Variants in LDLRAP1 observed in about 807,000 individuals in gnomAD.
LDLRAP1 encodes low density lipoprotein receptor adapter protein 1.
A neutral mutation model predicts 37.8 loss-of-function variants in LDLRAP1; 30 were observed. The ratio of observed to expected loss-of-function variants is 0.79; its 90% CI spans 0.59 to 1.08. The LOEUF (loss-of-function observed/expected upper bound fraction) is 1.08. Among genes scored for constraint, LDLRAP1 ranks in the 50% least tolerant of loss-of-function variants. The pLI, the probability that LDLRAP1 is intolerant of heterozygous loss-of-function variation, is 0.00. For synonymous variants in LDLRAP1, 156 were observed against 169.8 expected (o/e 0.92, Z 0.63); for missense variants, 375 against 401.6 (o/e 0.93, Z 0.57).
At chr1:25,557,844 C>T (rs562092824) in intron 4 of LDLRAP1, among the ~76,000 whole-genome samples, 7 of 152,044 alleles carry the variant, frequency 4.6e-5, no homozygotes, top group East Asian at 1.9e-4. Flanking sequence ...TTAATTCTCA[C>T]GGCTCTGCAA....
At chr1:25,588,818 A>T in the LDLRAP1 span, among the ~76,000 whole-genome samples, 664 of 152,300 alleles carry the variant, frequency 4.4e-3, 7 homozygotes, top group African/African-American at 0.015. Flanking sequence ...CACCCCTTCA[A>T]AGTGGCCTCA....
At chr1:25,556,828 A>C (rs1480415910) in intron 3 of LDLRAP1, among the ~76,000 whole-genome samples, 1 of 152,230 alleles carries the variant, frequency 6.6e-6, no homozygotes, top group Non-Finnish European at 1.5e-5. Context: ...TGAGGTCTAG[A>C]AAGCTCTTGG....
Position 25,543,801 on chromosome 1 carries a change from G to T in LDLRAP1, c.88+15G>T, listed in dbSNP as rs2043860634. ...CCGGCACCGCAGTGAGTGTGCGCGC[G>T]TCAGCCGGGCCGGGCCGGGATCGGG... On this transcript the variant is annotated intron_variant, in intron 1 of 8. Transcript: ENST00000374338. 1.2e-5 allele frequency: 14 copies of T among 1,202,342 alleles called. No individual in the cohort carries two copies. Among genetic ancestry groups the T allele is most frequent in the Non-Finnish European group, 1.4e-5 (14 of 968,180 alleles). The allele number at this position is 1,202,342 out of a possible 1,614,324, so 74.5% of individuals were successfully genotyped here.
chr1:25,555,970 CA>C lies in LDLRAP1; in HGVS notation c.344+999del, dbSNP rs1197861440. Among the ~76,000 whole-genome samples, 2 of 152,028 alleles carry C rather than the reference CA, an allele frequency of 1.3e-5. No individual in the cohort carries two copies. The highest frequency in any genetic ancestry group is 6.6e-5 in the Admixed American group (1 of 15,250). On this transcript the variant is annotated intron_variant, in intron 3 of 8. Coordinates refer to ENST00000374338, the MANE Select transcript of LDLRAP1 (RefSeq NM_015627.3). This position sits in a 1 kb window ranked among gnomAD's most constrained non-coding sequence, Gnocchi z 4.7. ...CCTGGGGAAATCCCGGAAGGCCTCCCAGGGGAGGCGGCACCTTGCTGGGGCT... is the reference window on the plus strand; with the variant it reads ...CCTGGGGAAATCCCGGAAGGCCTCCCGGGGAGGCGGCACCTTGCTGGGGCT...
the LDLRAP1 span, among the ~76,000 whole-genome samples, chr1:25,581,227 G>A: frequency 6.6e-6 from 1 of 152,150 alleles, no homozygotes; most frequent in Admixed American, 6.5e-5. Context: ...CCAGCAGCCT[G>A]GGGCGGGGGC....
the LDLRAP1 span, among the ~76,000 whole-genome samples, chr1:25,585,603 G>A: frequency 6.6e-6 from 1 of 152,220 alleles, no homozygotes; most frequent in Admixed American, 6.5e-5. Context: ...GGGATTACAG[G>A]CGTGAGCCAC....
chr1:25,565,046 C>G, intron 7 of LDLRAP1, 127 bp from the exon 8 acceptor site: 1 of 996,270 alleles, frequency 1.0e-6, no homozygotes, highest in Admixed American at 1.7e-5. Flanking sequence ...TGAGGCCGTG[C>G]CTCCAGGCGC....
At chr1:25,569,158 C>T (rs954269600), downstream of LDLRAP1, among the ~76,000 whole-genome samples, 11 of 152,200 alleles carry the variant, frequency 7.2e-5, no homozygotes, top group African/African-American at 2.2e-4. Context: ...CTGAGAGCCC[C>T]GGCGGGGGAC....
At chr1:25,561,990 TC>T (rs2044351972) in intron 4 of LDLRAP1, among the ~76,000 whole-genome samples, 1 of 152,098 alleles carries the variant, frequency 6.6e-6, no homozygotes, top group East Asian at 1.9e-4. Context: ...GAGGGAGAGT[TC>T]CCCTGGGGTG....
chr1:25,566,508 C>G (rs1483452763), intron 8 of LDLRAP1, among the ~76,000 whole-genome samples: 2 of 152,146 alleles, frequency 1.3e-5, no homozygotes, highest in Non-Finnish European at 1.5e-5. Flanking sequence ...CTTCCGTGTT[C>G]CCTCCCACAG....
chr1:25,569,072 GGT>G (rs2044562360), downstream of LDLRAP1, among the ~76,000 whole-genome samples: 1 of 152,036 alleles, frequency 6.6e-6, no homozygotes, highest in African/African-American at 2.4e-5. Flanking sequence ...CCAGCAGCTG[GGT>G]GTGTGTGTGA....
chr1:25,588,455 C>A, the LDLRAP1 span, among the ~76,000 whole-genome samples: 1 of 152,144 alleles, frequency 6.6e-6, no homozygotes, highest in Admixed American at 6.5e-5. Flanking sequence ...GACATGCGGG[C>A]GGCAATACTG....
rs2044157921 is a variant in LDLRAP1, at chr1:25,554,717, T to C, written c.232-143T>C. 1 of 703,090 alleles carries C rather than the reference T, an allele frequency of 1.4e-6. No homozygotes were observed. The highest frequency in any genetic ancestry group is 1.7e-5 in the African/African-American group (1 of 57,322). The allele number at this position is 703,090 out of a possible 1,614,324, so 43.6% of individuals were successfully genotyped here. A position where few individuals can be genotyped will look rare whatever the true frequency, so the allele number is the denominator to read the frequency against. The stretch of plus-strand genomic sequence containing the variant: ...GTTTCTATTGCAAGAAGGTGCTGGC[T>C]GAGTGGTCTTGCCCACACTGCTGCC... On this transcript the variant is annotated intron_variant, in intron 2 of 8. Transcript: ENST00000374338. This position sits in a 1 kb window ranked among gnomAD's most constrained non-coding sequence, Gnocchi z 5.4.
At chr1:25,577,392 A>T in the LDLRAP1 span, among the ~76,000 whole-genome samples, 2 of 151,806 alleles carry the variant, frequency 1.3e-5, no homozygotes, top group Non-Finnish European at 2.9e-5. Flanking sequence ...GCTTTCCCTG[A>T]CCTGTTCCTT....
intron 3 of LDLRAP1, among the ~76,000 whole-genome samples, chr1:25,556,587 G>C (rs935042161): frequency 6.6e-6 from 1 of 152,200 alleles, no homozygotes; most frequent in Non-Finnish European, 1.5e-5. Flanking sequence ...CAGGTGGGGT[G>C]GGGGAGGCCA....
the LDLRAP1 span, among the ~76,000 whole-genome samples, chr1:25,586,768 C>T: frequency 1.6e-4 from 25 of 152,220 alleles, no homozygotes; most frequent in African/African-American, 5.1e-4. The surrounding 1 kb of genome is among the most constrained non-coding windows in gnomAD (Gnocchi z 4.3). Context: ...GGGGCCCTGA[C>T]CAGGGATGCC....
At chr1:25,587,485 C>T in the LDLRAP1 span, among the ~76,000 whole-genome samples, 1 of 152,142 alleles carries the variant, frequency 6.6e-6, no homozygotes, top group Admixed American at 6.6e-5. Flanking sequence ...GTCCTGACCT[C>T]CGTCCTTAGC....
At chr1:25,564,889 G>T (rs2044435866) in intron 7 of LDLRAP1, 1 of 466,516 alleles carries the variant, frequency 2.1e-6, no homozygotes, top group Non-Finnish European at 3.9e-6. Context: ...CTTGCCCAAG[G>T]TCTCACGGGC....
the LDLRAP1 span, among the ~76,000 whole-genome samples, chr1:25,589,349 G>A: frequency 7.3e-6 from 1 of 137,914 alleles, no homozygotes; most frequent in African/African-American, 3.1e-5. Context: ...AGGGCTGGGG[G>A]TGAGCAACAC....
Sources: gnomAD v4.1 joint callset for allele counts (sites outside exome capture counted in the v4.1 genomes callset) on GRCh38, gnomAD v4.1.1 for gene constraint, Gnocchi (gnomAD v3.1) non-coding constraint, MANE v1.5 for transcripts, NCBI Gene and HGNC (gene_info 2026-07-23, HGNC 2026-07-21) for gene names.